AKAP7: variants seen among roughly 807,000 people sequenced by gnomAD.
The protein encoded by AKAP7 is A kinase (PRKA) anchor protein 7.
AKAP7 carries 39 observed loss-of-function variants against 39.5 expected under a neutral mutation model. That is an observed-to-expected ratio of 0.99 (90% CI 0.76 to 1.29). AKAP7 has a LOEUF of 1.29. Ranked by LOEUF, AKAP7 falls within the 50% of genes most tolerant of loss-of-function variation. The pLI is 0.00. For synonymous variants in AKAP7, 140 were observed against 139.1 expected, an observed-to-expected ratio of 1.01 and a Z score of -0.05; for missense variants, 414 against 407.7, an observed-to-expected ratio of 1.02 and a Z score of -0.13.
At chr6:131,154,162 C>T (rs184150738) in intron 2 of AKAP7, among the ~76,000 whole-genome samples, 124 of 152,090 alleles carry the variant, frequency 8.2e-4, no homozygotes, top group East Asian at 2.1e-3. Context: ...GAGCAGAGAT[C>T]GCTCCATTGC....
At chr6:131,223,480 T>C (rs1809881452) in intron 7 of AKAP7, among the ~76,000 whole-genome samples, 1 of 152,246 alleles carries the variant, frequency 6.6e-6, no homozygotes, top group Admixed American at 6.5e-5. Context: ...AGATATTCAG[T>C]ATGTCGTTTG....
intron 7 of AKAP7, among the ~76,000 whole-genome samples, chr6:131,220,955 T>A (rs962620919): frequency 6.6e-6 from 1 of 151,976 alleles, no homozygotes; most frequent in East Asian, 1.9e-4. Context: ...GAGTCGTACA[T>A]CTCTTACCTT....
chr6:131,154,097 AC>A (rs1377552921), intron 2 of AKAP7, among the ~76,000 whole-genome samples: 3 of 152,052 alleles, frequency 2.0e-5, no homozygotes, highest in African/African-American at 7.3e-5. Flanking sequence ...AATTCCAGTT[AC>A]TCGGGAGGCT....
intron 7 of AKAP7, among the ~76,000 whole-genome samples, chr6:131,275,425 C>T (rs999531123): frequency 6.6e-6 from 1 of 152,164 alleles, no homozygotes; most frequent in Non-Finnish European, 1.5e-5. Context: ...TCCTTGCACA[C>T]ACATTAGGAG....
intron 5 of AKAP7, among the ~76,000 whole-genome samples, chr6:131,172,823 G>A (rs1804202190): frequency 6.6e-6 from 1 of 152,160 alleles, no homozygotes; most frequent in Non-Finnish European, 1.5e-5. Context: ...TAAGAAACAG[G>A]TTTATGGAAA....
At chr6:131,184,778 T>C in intron 5 of AKAP7, 2 of 1,296,710 alleles carry the variant, frequency 1.5e-6, no homozygotes, top group Non-Finnish European at 2.2e-6. Context: ...GAGTCTTCTT[T>C]GTCCTCGCCC....
intron 1 of AKAP7, among the ~76,000 whole-genome samples, 178 bp downstream of exon 1, chr6:131,135,960 T>A (rs1800501822): frequency 6.6e-6 from 1 of 151,710 alleles, no homozygotes; most frequent in African/African-American, 2.4e-5. Context: ...GGGGTGTACA[T>A]CAGTGCTGCC....
intron 5 of AKAP7, among the ~76,000 whole-genome samples, chr6:131,190,763 CACT>C (rs1806333925): frequency 6.6e-6 from 1 of 151,948 alleles, no homozygotes; most frequent in South Asian, 2.1e-4. Flanking sequence ...TACAAATGCC[CACT>C]GTTTTAATTT....
intron 7 of AKAP7, among the ~76,000 whole-genome samples, chr6:131,228,384 T>TA (rs1226727835): frequency 2.6e-5 from 4 of 152,218 alleles, no homozygotes; most frequent in Non-Finnish European, 5.9e-5. Context: ...TGGCGATAGA[T>TA]ATGTGCATGA....
At chr6:131,243,711 T>A (rs890272854) in intron 7 of AKAP7, among the ~76,000 whole-genome samples, 1 of 152,204 alleles carries the variant, frequency 6.6e-6, no homozygotes, top group Non-Finnish European at 1.5e-5. Flanking sequence ...AAATATAGAT[T>A]GAGAGCATTC....
intron 1 of AKAP7, among the ~76,000 whole-genome samples, chr6:131,138,282 A>G (rs1800748253): frequency 6.6e-6 from 1 of 152,238 alleles, no homozygotes. Context: ...TCCATGTTGC[A>G]AATGACAGGA....
At chr6:131,162,806 A>T (rs372155798) in intron 3 of AKAP7, among the ~76,000 whole-genome samples, 5 of 151,988 alleles carry the variant, frequency 3.3e-5, no homozygotes, top group African/African-American at 1.2e-4. Flanking sequence ...CTCTCTACCC[A>T]TGACCACCTC....
At chr6:131,250,115 A>T in intron 7 of AKAP7, 2 of 949,946 alleles carry the variant, frequency 2.1e-6, no homozygotes, top group Non-Finnish European at 2.5e-6. Context: ...TTTAAGTAGC[A>T]GACAGAAAAT....
chr6:131,125,923 T>C, the AKAP7 span, among the ~76,000 whole-genome samples: 1 of 152,206 alleles, frequency 6.6e-6, no homozygotes, highest in Non-Finnish European at 1.5e-5. Flanking sequence ...AACAGTTTAA[T>C]TTGGTCTTGA....
intron 5 of AKAP7, among the ~76,000 whole-genome samples, chr6:131,180,819 T>G (rs1020442554): frequency 7.6e-6 from 1 of 131,758 alleles, no homozygotes; most frequent in African/African-American, 3.0e-5. Context: ...ACCACTTTCT[T>G]TTTTTGTTTG....
At chr6:131,155,970 T>C (rs1419509274) in intron 2 of AKAP7, among the ~76,000 whole-genome samples, 2 of 152,244 alleles carry the variant, frequency 1.3e-5, no homozygotes, top group African/African-American at 4.8e-5. Context: ...AGTAAGATTT[T>C]TAAGTTCTCA....
intron 3 of AKAP7, among the ~76,000 whole-genome samples, chr6:131,161,186 A>G (rs145831707): frequency 9.8e-5 from 15 of 152,364 alleles, no homozygotes; most frequent in African/African-American, 3.6e-4. Flanking sequence ...GGGTCATTCT[A>G]GGAAATATCT....
At position 131,169,198 on chromosome 6, in the gene AKAP7, G is replaced by C. The variant is rs144062638; in HGVS notation, c.514G>C (p.Gly172Arg). The C allele has an allele frequency of 6.2e-7, 1 of 1,614,078 alleles. No homozygotes were observed. The highest frequency in any genetic ancestry group is 1.1e-5 in the South Asian group (1 of 91,080). ...KHLTLPFQGIGTFGNQVGFVK... is the reference protein window; with the variant it reads ...KHLTLPFQGIRTFGNQVGFVK... Reference sequence around the variant, plus strand: ...TTTGACTTTGCCCTTTCAAGGGATTGGTACTTTTGGAAATCAGGTTGGATT... The same window carrying C: ...TTTGACTTTGCCCTTTCAAGGGATTCGTACTTTTGGAAATCAGGTTGGATT... Residue 172 changes from glycine (G) to arginine (R), a missense_variant, in exon 5 of 8, where the codon GGT becomes CGT. Physicochemically the swap from Gly to Arg is moderately radical, Grantham distance 125 (BLOSUM62 -2). Transcript: ENST00000431975.
In AKAP7 at chr6:131,184,865, A is replaced by G. The variant is rs952376932; in HGVS notation, c.590-14596A>G. ...TTGTAACGTTTTCCACAAATGTCAC[A>G]GGCATAGGGCTTATCCTGGTCCTCC... On this transcript the variant is annotated intron_variant, in intron 5 of 7. Transcript: ENST00000431975. 9 of 1,359,648 alleles carry G rather than the reference A, an allele frequency of 6.6e-6. No homozygotes were observed. The Admixed American group carries it at 1.2e-4, about 18-fold the overall frequency. The allele number at this position is 1,359,648 out of a possible 1,614,324, so 84.2% of individuals were successfully genotyped here. A position where few individuals can be genotyped will look rare whatever the true frequency, so the allele number is the denominator to read the frequency against.
Sources: allele counts gnomAD v4.1 joint callset (sites outside exome capture counted in the v4.1 genomes callset), GRCh38; gene constraint gnomAD v4.1.1; transcripts MANE v1.5; gene names NCBI Gene and HGNC (gene_info 2026-07-23, HGNC 2026-07-21).